Variants in IL1RAPL2 observed in about 807,000 individuals in gnomAD.
IL1RAPL2 encodes the protein X-linked interleukin-1 receptor accessory protein-like 2.
A neutral mutation model predicts 44.1 loss-of-function variants in IL1RAPL2; 3 were observed. The observed-to-expected ratio is 0.07, with a 90% CI of 0.03 to 0.18. The LOEUF (loss-of-function observed/expected upper bound fraction) is 0.18, where lower values mean the gene tolerates loss of function less well. IL1RAPL2 is among the 10% of genes least tolerant of loss of function. The pLI is 1.00. For synonymous variants in IL1RAPL2, 181 were observed against 178.8 expected (o/e 1.01, Z -0.10); for missense variants, 391 against 496.4 (o/e 0.79, Z 2.02).
chrX:105,046,917 T>G (rs917386854), intron 2 of IL1RAPL2, among the ~76,000 whole-genome samples: 3 of 106,700 alleles, frequency 2.8e-5, no homozygotes, highest in Non-Finnish European at 5.8e-5. Context: ...TTCTGCCGCC[T>G]TCCTCCCATT....
At chrX:105,683,691 T>A (rs2037944869) in intron 6 of IL1RAPL2, among the ~76,000 whole-genome samples, 1 of 112,186 alleles carries the variant, frequency 8.9e-6, no homozygotes, top group African/African-American at 3.2e-5. Flanking sequence ...AACACAGTTG[T>A]AATTCTCTGA....
chrX:105,128,439 TTTTG>T (rs749801895), intron 2 of IL1RAPL2, among the ~76,000 whole-genome samples: 114 of 111,160 alleles, frequency 1.0e-3, no homozygotes, highest in Non-Finnish European at 1.9e-3. Flanking sequence ...ACACAGGAAA[TTTTG>T]TTTGTTTTAC....
chrX:104,818,069 A>G (rs1311620047), intron 2 of IL1RAPL2, among the ~76,000 whole-genome samples: 1 of 110,390 alleles, frequency 9.1e-6, no homozygotes, highest in Non-Finnish European at 1.9e-5. Flanking sequence ...ATAGTTAGTC[A>G]GTTTTGGCCG....
intron 5 of IL1RAPL2, among the ~76,000 whole-genome samples, chrX:105,338,793 T>C (rs770755094): frequency 1.8e-5 from 2 of 111,654 alleles, no homozygotes; most frequent in African/African-American, 3.3e-5. Context: ...AGTTTAAATA[T>C]CTGCTCATTT....
At chrX:104,818,171 C>T (rs1463665639) in intron 2 of IL1RAPL2, among the ~76,000 whole-genome samples, 1 of 107,936 alleles carries the variant, frequency 9.3e-6, no homozygotes, top group East Asian at 2.9e-4. Context: ...GGTGAAACCC[C>T]GTCTCTACTA....
chrX:104,683,439 G>A (rs1027479687), intron 2 of IL1RAPL2, among the ~76,000 whole-genome samples: 1 of 111,867 alleles, frequency 8.9e-6, no homozygotes, highest in Non-Finnish European at 1.9e-5. Flanking sequence ...GGCACTTCTG[G>A]GGCTAATACA....
intron 3 of IL1RAPL2, among the ~76,000 whole-genome samples, chrX:105,211,900 A>G (rs1656349883): frequency 8.9e-6 from 1 of 111,912 alleles, no homozygotes; most frequent in Non-Finnish European, 1.9e-5. Flanking sequence ...CGCCAAGCCA[A>G]GGGAAGCTGT....
At chrX:105,346,193 G>A (rs2035109006) in intron 5 of IL1RAPL2, among the ~76,000 whole-genome samples, 1 of 111,930 alleles carries the variant, frequency 8.9e-6, no homozygotes, top group African/African-American at 3.2e-5. Flanking sequence ...AATAAACTCT[G>A]ATTGTATTAG....
At chrX:105,329,812 T>C (rs1210455306) in intron 5 of IL1RAPL2, among the ~76,000 whole-genome samples, 1 of 111,896 alleles carries the variant, frequency 8.9e-6, no homozygotes, top group Non-Finnish European at 1.9e-5. Flanking sequence ...GTAAAATATT[T>C]CACTAATACT....
chrX:104,998,093 G>T (rs1031205595), intron 2 of IL1RAPL2, among the ~76,000 whole-genome samples: 1 of 111,283 alleles, frequency 9.0e-6, no homozygotes, highest in Non-Finnish European at 1.9e-5. Context: ...TAAAGAGTTT[G>T]AATAAAAAAG....
intron 2 of IL1RAPL2, among the ~76,000 whole-genome samples, chrX:104,960,430 C>T (rs185338060): frequency 3.6e-5 from 4 of 111,906 alleles, no homozygotes; most frequent in Admixed American, 1.9e-4. Context: ...AAATGCTATG[C>T]TCTTTCCTAT....
chrX:105,710,995 CACATACATAT>C (rs2038205763), intron 6 of IL1RAPL2, among the ~76,000 whole-genome samples: 1 of 105,835 alleles, frequency 9.4e-6, no homozygotes, highest in Admixed American at 1.0e-4. Context: ...TATATACATA[CACATACATAT>C]ACATATATAG....
intron 1 of IL1RAPL2, among the ~76,000 whole-genome samples, chrX:104,620,873 G>T (rs1929381440): frequency 9.7e-6 from 1 of 102,840 alleles, no homozygotes; most frequent in Non-Finnish European, 2.0e-5. Context: ...TTCTGCCTGG[G>T]TTGGCTTTAT....
At chrX:105,682,380 T>C (rs2037933467) in intron 6 of IL1RAPL2, among the ~76,000 whole-genome samples, 1 of 111,763 alleles carries the variant, frequency 8.9e-6, no homozygotes, top group African/African-American at 3.2e-5. Context: ...TAAAACTCCA[T>C]AGTTAAGTGA....
chrX:105,052,075 C>T (rs961278894), intron 2 of IL1RAPL2, among the ~76,000 whole-genome samples: 5 of 112,527 alleles, frequency 4.4e-5, no homozygotes, highest in South Asian at 3.6e-4. Context: ...ACTTATACAA[C>T]GTATGTTACT....
At chrX:104,582,822 C>CTTTCTTTCTCTT (rs748809592) in intron 1 of IL1RAPL2, among the ~76,000 whole-genome samples, 22 of 40,656 alleles carry the variant, frequency 5.4e-4, no homozygotes, top group East Asian at 8.4e-4. Context: ...TCCTTTCTTT[C>CTTTCTTTCTCTT]TCTTTCTTTC....
intron 2 of IL1RAPL2, among the ~76,000 whole-genome samples, chrX:105,155,160 C>G (rs778322235): frequency 9.0e-6 from 1 of 111,266 alleles, no homozygotes; most frequent in South Asian, 3.8e-4. Flanking sequence ...TGGTGCTTAC[C>G]CCCTAGTGTC....
intron 6 of IL1RAPL2, among the ~76,000 whole-genome samples, chrX:105,623,460 G>A (rs1438131941): frequency 9.0e-6 from 1 of 111,045 alleles, no homozygotes; most frequent in African/African-American, 3.3e-5. Context: ...AATAATCTTA[G>A]AGGGGCAGTT....
At chrX:104,614,708 G>A (rs192876316) in intron 1 of IL1RAPL2, among the ~76,000 whole-genome samples, 1 of 111,715 alleles carries the variant, frequency 9.0e-6, no homozygotes, top group Non-Finnish European at 1.9e-5. Flanking sequence ...TCTAATGTTG[G>A]GTGTGTACAT....
Sources: gnomAD v4.1 joint callset for allele counts (sites outside exome capture counted in the v4.1 genomes callset) on GRCh38, gnomAD v4.1.1 for gene constraint, MANE v1.5 for transcripts, NCBI Gene and HGNC (gene_info 2026-07-23, HGNC 2026-07-21) for gene names.